ATE1: variants seen among roughly 807,000 people sequenced by gnomAD.
ATE1 encodes arginyltransferase 1.
A neutral mutation model predicts 70.5 loss-of-function variants in ATE1; 36 were observed. That is an observed-to-expected ratio of 0.51 (90% CI 0.39 to 0.67). ATE1 has a LOEUF of 0.67. Ranked by LOEUF, ATE1 falls within the 30% of genes least tolerant of loss-of-function variation. ATE1 has a pLI of 0.00. For synonymous variants in ATE1, 232 were observed against 219.3 expected, an observed-to-expected ratio of 1.06 and a Z score of -0.51; for missense variants, 593 against 629.5, an observed-to-expected ratio of 0.94 and a Z score of 0.62.
In ATE1 at chr10:121,741,038, A is replaced by G. The variant is rs1944132315; in HGVS notation, c.*2642T>C. The G allele has an allele frequency of 6.6e-6, 1 of 152,216 alleles. No individual in the cohort carries two copies. Among genetic ancestry groups the G allele is most frequent in the African/African-American group, 2.4e-5 (1 of 41,466 alleles). The allele number at this position is 152,216 out of a possible 1,614,324, so 9.4% of individuals were successfully genotyped here. On this transcript the variant is annotated 3_prime_UTR_variant, in exon 12 of 12. Coordinates refer to ENST00000224652, the MANE Select transcript of ATE1 (RefSeq NM_001001976.3). ...CTCCCAAAACAGGAAGGCAGGTGTG[A>G]TGTATTTGAAAATCAGAAAGGGACA...
Position 121,790,223 on chromosome 10 carries a change from G to A in ATE1, c.1324C>T (p.Leu442=). The A allele has an allele frequency of 1.2e-6, 2 of 1,614,098 alleles. No homozygotes were observed. Among genetic ancestry groups the A allele is most frequent in the Non-Finnish European group, 1.7e-6 (2 of 1,179,980 alleles). The change falls in exon 11 of 12, where the codon CTG becomes TTG. Residue 442 remains leucine (L), a synonymous_variant. Transcript: ENST00000224652. ...TACTTGGAGTTTTCAAGTGAAGGCA[G>A]GCATTGCTCAATGGGTACCCAAACA... The part of the protein sequence containing the change: ...TYVWVPIEQC[L]PSLENSKYCR...
intron 3 of ATE1, among the ~76,000 whole-genome samples, chr10:121,919,170 CAAT>C (rs991119504): frequency 3.9e-5 from 6 of 152,222 alleles, no homozygotes; most frequent in African/African-American, 1.2e-4. Flanking sequence ...TCACACTTCA[CAAT>C]AAATCTTGCT....
rs993396315 is a variant in ATE1 at position 121,905,330 on chromosome 10, C to T, written c.584-2710G>A. ...ATTCCATAAATAGTAATTTTCAAAA[C>T]CTTCCATTTTCTATACTGAAAATTA... On this transcript the variant is annotated intron_variant, in intron 5 of 11. Transcript: ENST00000224652. Among the ~76,000 whole-genome samples, 50 of 152,016 alleles carry T rather than the reference C, an allele frequency of 3.3e-4. 2 individuals are homozygous for T. The highest frequency in any genetic ancestry group is 3.3e-3 in the Admixed American group (50 of 15,266).
At chr10:121,854,141 T>C (rs1378704865) in intron 8 of ATE1, among the ~76,000 whole-genome samples, 4 of 152,222 alleles carry the variant, frequency 2.6e-5, no homozygotes, top group African/African-American at 7.2e-5. Context: ...TTTACAACTC[T>C]GCAGGTGCAG....
At chr10:121,927,787 T>G in intron 1 of ATE1, 57 bp downstream of exon 1, 1 of 1,509,458 alleles carries the variant, frequency 6.6e-7, no homozygotes, top group Non-Finnish European at 8.9e-7. Context: ...TGGGGGACCC[T>G]GGGATCCCGA....
chr10:121,815,312 A>T (rs1385911577), intron 10 of ATE1, among the ~76,000 whole-genome samples: 4 of 151,580 alleles, frequency 2.6e-5, no homozygotes, highest in Non-Finnish European at 5.9e-5. Context: ...ATTTTTTTGT[A>T]TTTTTAGTAG....
chr10:121,870,103 A>G (rs1334459139), intron 7 of ATE1, 65 bp from the exon 8 acceptor site: 6 of 1,452,174 alleles, frequency 4.1e-6, no homozygotes, highest in Non-Finnish European at 5.8e-6. Context: ...GAACACAGAG[A>G]AAAAGAAAAA....
At chr10:121,842,167 C>T (rs1398721670) in intron 8 of ATE1, among the ~76,000 whole-genome samples, 1 of 152,106 alleles carries the variant, frequency 6.6e-6, no homozygotes, top group Admixed American at 6.6e-5. Context: ...AGTTATTCTT[C>T]ATTATTATCT....
intron 8 of ATE1, among the ~76,000 whole-genome samples, chr10:121,850,295 C>CCT (rs1247785366): frequency 1.3e-5 from 2 of 152,054 alleles, no homozygotes; most frequent in South Asian, 2.1e-4. Context: ...AATTATTTAG[C>CCT]CCACTGGAGG....
intron 10 of ATE1, among the ~76,000 whole-genome samples, chr10:121,833,744 G>A (rs1015132596): frequency 1.3e-5 from 2 of 152,158 alleles, no homozygotes; most frequent in African/African-American, 4.8e-5. Flanking sequence ...ACAGATGACA[G>A]GGCAAAGATA....
At chr10:121,894,728 G>A (rs1001873847) in intron 7 of ATE1, among the ~76,000 whole-genome samples, 1 of 151,850 alleles carries the variant, frequency 6.6e-6, no homozygotes, top group East Asian at 1.9e-4. Flanking sequence ...GTGAAACCCC[G>A]TCTCTACTAA....
Position 121,775,434 on chromosome 10 carries a change from T to G in ATE1, c.1378+14735A>C, listed in dbSNP as rs553241663. The stretch of plus-strand genomic sequence containing the variant: ...CCACGGTGGCACATGTATAACTATG[T>G]AACCAATGTGCACATCTGCACATCC... On this transcript the variant is annotated intron_variant, in intron 11 of 11. Transcript: ENST00000224652. Among the ~76,000 whole-genome samples, 5 of 152,136 alleles carry G rather than the reference T, an allele frequency of 3.3e-5. No individual in the cohort carries two copies. The East Asian group carries it at 9.7e-4, about 29-fold the overall frequency.
intron 11 of ATE1, among the ~76,000 whole-genome samples, chr10:121,789,337 C>T (rs573122439): frequency 1.1e-4 from 14 of 124,016 alleles, no homozygotes; most frequent in Non-Finnish European, 2.1e-4. Flanking sequence ...CTTACACTGT[C>T]GCCCAGGCTG....
intron 11 of ATE1, among the ~76,000 whole-genome samples, chr10:121,780,637 T>TACTA (rs1945943949): frequency 6.6e-6 from 1 of 152,228 alleles, no homozygotes; most frequent in Admixed American, 6.5e-5. Flanking sequence ...ACAAACCCTT[T>TACTA]ACTAGCCAGC....
At chr10:121,902,141 CT>C (rs1951005275) in intron 6 of ATE1, among the ~76,000 whole-genome samples, 2 of 152,122 alleles carry the variant, frequency 1.3e-5, no homozygotes, top group African/African-American at 4.8e-5. Flanking sequence ...AAAATTGACA[CT>C]GTTTTCACAA....
At chr10:121,814,167 C>A (rs375895214) in intron 10 of ATE1, among the ~76,000 whole-genome samples, 1 of 152,100 alleles carries the variant, frequency 6.6e-6, no homozygotes, top group African/African-American at 2.4e-5. Context: ...GCACACCTCT[C>A]AATTGACTAA....
chr10:121,770,975 C>T (rs1175967270), intron 11 of ATE1, among the ~76,000 whole-genome samples: 3 of 151,858 alleles, frequency 2.0e-5, no homozygotes, highest in Non-Finnish European at 1.5e-5. Context: ...TGGAGGGTGG[C>T]GGGGGGAGAA....
intron 3 of ATE1, among the ~76,000 whole-genome samples, chr10:121,919,897 C>T (rs954300216): frequency 3.9e-5 from 6 of 151,984 alleles, no homozygotes; most frequent in African/African-American, 1.2e-4. Flanking sequence ...GACTCAGTCT[C>T]GGTGGGGAGG....
At chr10:121,835,534 C>T (rs959405368) in intron 10 of ATE1, among the ~76,000 whole-genome samples, 3 of 151,466 alleles carry the variant, frequency 2.0e-5, no homozygotes, top group Non-Finnish European at 4.4e-5. Context: ...AGAGACACAT[C>T]GCAAATATAA....
Sources: gnomAD v4.1 joint callset for allele counts (sites outside exome capture counted in the v4.1 genomes callset) on GRCh38, gnomAD v4.1.1 for gene constraint, MANE v1.5 for transcripts, NCBI Gene and HGNC (gene_info 2026-07-23, HGNC 2026-07-21) for gene names.